CLASP2: variants seen among roughly 807,000 people sequenced by gnomAD.
CLASP2 encodes the protein cytoplasmic linker associated protein 2.
A neutral mutation model predicts 194.4 loss-of-function variants in CLASP2; 47 were observed. The observed-to-expected ratio is 0.24, with a 90% CI of 0.19 to 0.31. CLASP2 has a LOEUF of 0.31. Among genes scored for constraint, CLASP2 ranks in the 10% least tolerant of loss-of-function variants. The probability of loss-of-function intolerance (pLI) is 1.00; values close to 1 mark genes in which losing one functional copy is unlikely to be tolerated. For synonymous variants in CLASP2, 619 were observed against 633.5 expected (o/e 0.98, Z 0.34); for missense variants, 1,445 against 1,823.6 (o/e 0.79, Z 3.78).
chr3:33,585,050 G>A, intron 21 of CLASP2, 130 bp from the exon 22 acceptor site: 1 of 665,376 alleles, frequency 1.5e-6, no homozygotes, highest in Non-Finnish European at 2.4e-6. Context: ...ACGCTCAAAG[G>A]AAATAGACCG....
At chr3:33,625,424 T>G (rs1247397957) in intron 10 of CLASP2, among the ~76,000 whole-genome samples, 1 of 151,856 alleles carries the variant, frequency 6.6e-6, no homozygotes, top group African/African-American at 2.4e-5. Context: ...ATGTACATAT[T>G]AACCTGCACT....
At chr3:33,711,480 A>C (rs528230010) in intron 1 of CLASP2, among the ~76,000 whole-genome samples, 30 of 150,454 alleles carry the variant, frequency 2.0e-4, no homozygotes, top group Non-Finnish European at 4.0e-4. Context: ...GGCTGGTATC[A>C]AACTCCCAAC....
intron 34 of CLASP2, among the ~76,000 whole-genome samples, chr3:33,525,654 T>C (rs1252359582): frequency 6.6e-6 from 1 of 152,128 alleles, no homozygotes; most frequent in African/African-American, 2.4e-5. Flanking sequence ...CTGTCAGAAC[T>C]ATGTGGAGTC....
At chr3:33,639,089 T>G (rs1246760048) in intron 8 of CLASP2, among the ~76,000 whole-genome samples, 1 of 152,168 alleles carries the variant, frequency 6.6e-6, no homozygotes, top group African/African-American at 2.4e-5. Flanking sequence ...AGACAAGGTC[T>G]CGCTGTCACA....
chr3:33,680,965 G>A (rs6550228), intron 6 of CLASP2, among the ~76,000 whole-genome samples: 138,624 of 151,682 alleles, frequency 0.91, 63,400 homozygotes, highest in East Asian at 0.97. Flanking sequence ...TCTCTACTAA[G>A]AATACAAAAA....
chr3:33,524,907 A>G (rs1165711034), intron 34 of CLASP2, among the ~76,000 whole-genome samples: 1 of 152,222 alleles, frequency 6.6e-6, no homozygotes, highest in Non-Finnish European at 1.5e-5. Flanking sequence ...ACTCTCAATA[A>G]TGGATAGAAC....
At chr3:33,544,458 C>T (rs2058842308) in intron 31 of CLASP2, among the ~76,000 whole-genome samples, 1 of 152,072 alleles carries the variant, frequency 6.6e-6, no homozygotes, top group Admixed American at 6.6e-5. Context: ...TTTTCTTGTT[C>T]ATACCTGGCC....
chr3:33,704,207 T>C (rs1331168895), intron 1 of CLASP2, among the ~76,000 whole-genome samples: 1 of 152,148 alleles, frequency 6.6e-6, no homozygotes, highest in Admixed American at 6.5e-5. Flanking sequence ...GAGTGAAGCC[T>C]AATGTAAACT....
At chr3:33,568,550 T>C (rs1455273206) in intron 26 of CLASP2, among the ~76,000 whole-genome samples, 1 of 65,522 alleles carries the variant, frequency 1.5e-5, no homozygotes, top group African/African-American at 7.7e-5. Flanking sequence ...AGAGATCTTG[T>C]CTCAAAAAAA....
intron 8 of CLASP2, among the ~76,000 whole-genome samples, chr3:33,636,817 T>C (rs1053119092): frequency 6.6e-6 from 1 of 152,180 alleles, no homozygotes; most frequent in South Asian, 2.1e-4. Flanking sequence ...GCCAGGCTGG[T>C]ATTGAACTCC....
At chr3:33,517,683 A>G (rs1435923349) in intron 34 of CLASP2, among the ~76,000 whole-genome samples, 1 of 151,846 alleles carries the variant, frequency 6.6e-6, no homozygotes, top group Non-Finnish European at 1.5e-5. Context: ...TTTTTCTGAG[A>G]CAGGGTTTCA....
chr3:33,694,469 C>T (rs1401934574), intron 2 of CLASP2, among the ~76,000 whole-genome samples: 2 of 152,168 alleles, frequency 1.3e-5, no homozygotes, highest in Admixed American at 6.5e-5. Context: ...CAGGGAGCTA[C>T]TACAGGGCAA....
chr3:33,624,394 T>C (rs9809560), intron 10 of CLASP2, among the ~76,000 whole-genome samples: 7,357 of 152,042 alleles, frequency 0.048, 447 homozygotes, highest in African/African-American at 0.15. Flanking sequence ...GTGTCTAAAT[T>C]ATAACTAAAA....
rs115089641 is a variant in CLASP2, at chr3:33,670,607, G to C, written c.645-7092C>G. On this transcript the variant is annotated intron_variant, in intron 6 of 38. Transcript: ENST00000682230. ...TGGCAAACCGCCGCACCAAAAATTAGAGATGGGGAGATGAAAACAGAGAAT... is the reference window on the plus strand; with the variant it reads ...TGGCAAACCGCCGCACCAAAAATTACAGATGGGGAGATGAAAACAGAGAAT... Among the ~76,000 whole-genome samples the C allele has an allele frequency of 8.5e-3, 1,290 of 152,278 alleles. 21 individuals carry two copies. Among genetic ancestry groups the C allele is most frequent in the African/African-American group, 0.028 (1,165 of 41,538 alleles).
At chr3:33,585,041 C>A in intron 21 of CLASP2, 121 bp from the exon 22 acceptor site, 3 of 762,844 alleles carry the variant, frequency 3.9e-6, no homozygotes, top group East Asian at 2.9e-5. Flanking sequence ...GCAGGTTCTA[C>A]GCTCAAAGGA....
At chr3:33,561,372 G>C (rs1487943212) in intron 27 of CLASP2, among the ~76,000 whole-genome samples, 1 of 152,166 alleles carries the variant, frequency 6.6e-6, no homozygotes, top group East Asian at 1.9e-4. Context: ...TAAATGAGAA[G>C]ATGACTACAA....
At chr3:33,659,645 C>A (rs966225665) in intron 7 of CLASP2, 1 of 154,282 alleles carries the variant, frequency 6.5e-6, no homozygotes, top group South Asian at 2.1e-4. Context: ...CCATCAAAGG[C>A]TGCTCTGTGC....
chr3:33,604,469 C>T (rs1220277528), intron 16 of CLASP2, among the ~76,000 whole-genome samples: 1 of 151,932 alleles, frequency 6.6e-6, no homozygotes, highest in Non-Finnish European at 1.5e-5. Context: ...TATGTGCCTG[C>T]CACCAAGCGT....
intron 2 of CLASP2, among the ~76,000 whole-genome samples, chr3:33,692,757 G>A (rs1460129875): frequency 1.3e-5 from 2 of 152,092 alleles, no homozygotes; most frequent in African/African-American, 2.4e-5. Flanking sequence ...TATTTATTGG[G>A]TATCCAGAAC....
Sources: allele counts gnomAD v4.1 joint callset (sites outside exome capture counted in the v4.1 genomes callset), GRCh38; gene constraint gnomAD v4.1.1; transcripts MANE v1.5; gene names NCBI Gene and HGNC (gene_info 2026-07-23, HGNC 2026-07-21).